Variants in VEPH1 observed in about 807,000 individuals in gnomAD.
VEPH1 encodes ventricular zone-expressed PH domain-containing protein homolog 1.
VEPH1 carries 80 observed loss-of-function variants against 85.2 expected under a neutral mutation model. The observed-to-expected ratio is 0.94, with a 90% confidence interval of 0.78 to 1.13. VEPH1 has a LOEUF of 1.13. VEPH1 is among the 50% of genes most tolerant of loss of function. VEPH1 has a pLI of 0.00. For missense variants in VEPH1, 955 were observed against 980.5 expected, an observed-to-expected ratio of 0.97 and a Z score of 0.35; for synonymous variants, 297 against 348.0, an observed-to-expected ratio of 0.85 and a Z score of 1.63.
intron 2 of VEPH1, chr3:157,493,259 G>A (rs2109740731): frequency 2.2e-6 from 1 of 456,326 alleles, no homozygotes; most frequent in Non-Finnish European, 4.4e-6. Context: ...AAGTTGGAAG[G>A]GGCAATTTAG....
At chr3:157,476,769 C>A (rs1423360258) in intron 2 of VEPH1, among the ~76,000 whole-genome samples, 1 of 152,166 alleles carries the variant, frequency 6.6e-6, no homozygotes, top group East Asian at 1.9e-4. Flanking sequence ...GCCAACCTGG[C>A]AGGAGTAATT....
In VEPH1 at chr3:157,263,479, G is replaced by A. The variant is rs558258799; in HGVS notation, c.2265+2047C>T. 6.8e-5 allele frequency among the ~76,000 whole-genome samples: 10 copies of A among 146,160 alleles called. No homozygotes were observed. The South Asian group carries it at 8.3e-4, about 12-fold the overall frequency. On this transcript the variant is annotated intron_variant, in intron 13 of 13. Transcript: ENST00000362010. ...CTTAAGGGATCTGGAAAATTACTAC[G>A]TCTTCATTTCTATTCTTGATTTCTT...
chr3:157,363,265 G>A, intron 9 of VEPH1, 99 bp downstream of exon 9: 1 of 1,145,112 alleles, frequency 8.7e-7, no homozygotes, highest in Non-Finnish European at 1.2e-6. Context: ...TTTTGCAAAA[G>A]ATCCAGAAAA....
At chr3:157,310,173 T>C (rs1719955099) in intron 11 of VEPH1, among the ~76,000 whole-genome samples, 1 of 152,150 alleles carries the variant, frequency 6.6e-6, no homozygotes, top group Non-Finnish European at 1.5e-5. Flanking sequence ...CTGATCAAAG[T>C]AGAAAAGTAC....
intron 6 of VEPH1, among the ~76,000 whole-genome samples, chr3:157,393,919 C>A (rs1462309151): frequency 6.6e-6 from 1 of 152,112 alleles, no homozygotes; most frequent in Non-Finnish European, 1.5e-5. Context: ...AGATATTAAG[C>A]CTTAAAATAA....
intron 4 of VEPH1, among the ~76,000 whole-genome samples, chr3:157,451,808 C>T (rs1157702354): frequency 1.3e-5 from 2 of 152,166 alleles, no homozygotes; most frequent in Admixed American, 6.6e-5. Flanking sequence ...AGTGGCTCTG[C>T]TCATAAAATT....
chr3:157,374,198 G>A (rs1727829681), intron 7 of VEPH1, among the ~76,000 whole-genome samples: 1 of 152,160 alleles, frequency 6.6e-6, no homozygotes. Context: ...AGTAACAACA[G>A]CCACAGCTAC....
intron 4 of VEPH1, among the ~76,000 whole-genome samples, chr3:157,458,483 T>C (rs1735560921): frequency 6.6e-6 from 1 of 152,210 alleles, no homozygotes; most frequent in Admixed American, 6.5e-5. Context: ...TGTTTCTTGC[T>C]TGTTGAATTG....
chr3:157,398,399 G>A (rs1314216410), intron 6 of VEPH1, among the ~76,000 whole-genome samples: 1 of 152,194 alleles, frequency 6.6e-6, no homozygotes, highest in Admixed American at 6.5e-5. Context: ...ACTTTGGGAG[G>A]CCGAGGCGTG....
At chr3:157,491,919 A>G (rs772080951) in intron 2 of VEPH1, among the ~76,000 whole-genome samples, 1 of 152,204 alleles carries the variant, frequency 6.6e-6, no homozygotes, top group African/African-American at 2.4e-5. Context: ...GTTCTAAGCA[A>G]TTGGTCTGAG....
At chr3:157,325,809 A>G (rs1396556489) in intron 9 of VEPH1, among the ~76,000 whole-genome samples, 1 of 152,206 alleles carries the variant, frequency 6.6e-6, no homozygotes, top group East Asian at 1.9e-4. Context: ...TGTCTTGGCT[A>G]TTCAGGCTCT....
At chr3:157,343,446 G>C (rs535816124) in intron 9 of VEPH1, among the ~76,000 whole-genome samples, 2 of 152,202 alleles carry the variant, frequency 1.3e-5, no homozygotes, top group East Asian at 3.9e-4. Flanking sequence ...ATAAATTCCT[G>C]GACACATACA....
intron 5 of VEPH1, among the ~76,000 whole-genome samples, chr3:157,421,841 C>A (rs1459034716): frequency 1.3e-5 from 2 of 152,102 alleles, no homozygotes; most frequent in African/African-American, 4.8e-5. Flanking sequence ...ACTTCTTCCC[C>A]CCAGGTAGGA....
At chr3:157,450,548 G>C (rs1249139199) in intron 4 of VEPH1, among the ~76,000 whole-genome samples, 1 of 150,826 alleles carries the variant, frequency 6.6e-6, no homozygotes, top group Non-Finnish European at 1.5e-5. Flanking sequence ...TGCTTCTACT[G>C]TTCCACTATA....
chr3:157,262,874 A>G (rs1263953029), intron 13 of VEPH1, among the ~76,000 whole-genome samples: 1 of 152,236 alleles, frequency 6.6e-6, no homozygotes, highest in African/African-American at 2.4e-5. Context: ...TTTGGTTTAC[A>G]GTAAGTATCT....
At chr3:157,442,395 C>T (rs564774580) in intron 4 of VEPH1, 28 of 1,612,488 alleles carry the variant, frequency 1.7e-5, no homozygotes, top group South Asian at 6.6e-5. Context: ...ATTCCCAATG[C>T]GTTCCAAGAA....
rs1262390976 is a variant in VEPH1 at position 157,317,107 on chromosome 3, GC to G, written c.1829del (p.Ser610ThrfsTer52). 2 of 1,613,602 alleles carry G rather than the reference GC, an allele frequency of 1.2e-6. No individual in the cohort carries two copies. Among genetic ancestry groups the G allele is most frequent in the African/African-American group, 1.3e-5 (1 of 75,010 alleles). ...TCTGGATCCATGGCTGAGGTTCTTG[GC>G]TGATGAGAATAAAACTGGACTTACT... ...LYSKSSFILISQEPQPWIQIM... is the reference protein window; with the variant it reads ...LYSKSSFILIXQEPQPWIQIM... On this transcript the variant is annotated frameshift_variant, in exon 10 of 14. Transcript: ENST00000362010. LOFTEE classifies it high-confidence loss of function.
chr3:157,333,176 T>C (rs1044346928), intron 9 of VEPH1, among the ~76,000 whole-genome samples: 2 of 152,216 alleles, frequency 1.3e-5, no homozygotes, highest in African/African-American at 4.8e-5. Context: ...ATTGAACTTA[T>C]CTTTAAATGA....
At chr3:157,435,329 A>G (rs1733475594) in intron 4 of VEPH1, among the ~76,000 whole-genome samples, 1 of 152,194 alleles carries the variant, frequency 6.6e-6, no homozygotes. Context: ...TTCAAATATC[A>G]TTGTGAATTC....
Sources: allele counts gnomAD v4.1 joint callset (sites outside exome capture counted in the v4.1 genomes callset), GRCh38; gene constraint gnomAD v4.1.1; transcripts MANE v1.5; gene names NCBI Gene and HGNC (gene_info 2026-07-23, HGNC 2026-07-21).